Variants in TXNDC16 observed in about 807,000 individuals in gnomAD.
The protein encoded by TXNDC16 is thioredoxin domain-containing protein 16.
TXNDC16 carries 74 observed loss-of-function variants against 85.6 expected under a neutral mutation model. The observed-to-expected ratio is 0.86, with a 90% CI of 0.72 to 1.05. TXNDC16 has a LOEUF of 1.05. Ranked by LOEUF, TXNDC16 falls within the 50% of genes least tolerant of loss-of-function variation. The pLI, the probability that TXNDC16 is intolerant of heterozygous loss-of-function variation, is 0.00. For synonymous variants in TXNDC16, 335 were observed against 326.5 expected (o/e 1.03, Z -0.28); for missense variants, 959 against 947.0 (o/e 1.01, Z -0.17).
chr14:52,530,358 ATATAT>A (rs1266294232), intron 6 of TXNDC16, among the ~76,000 whole-genome samples: 2 of 38,148 alleles, frequency 5.2e-5, no homozygotes, highest in African/African-American at 1.3e-4. Flanking sequence ...TTATAATATA[ATATAT>A]ATTATTATAT....
At chr14:52,551,476 A>G (rs374148221) in intron 1 of TXNDC16, among the ~76,000 whole-genome samples, 1 of 38,480 alleles carries the variant, frequency 2.6e-5, no homozygotes, top group Non-Finnish European at 4.8e-5. Flanking sequence ...GAAAAAAAGG[A>G]AAAAAAAAAA....
At chr14:52,529,875 T>C (rs1241072258) in intron 6 of TXNDC16, among the ~76,000 whole-genome samples, 2 of 105,294 alleles carry the variant, frequency 1.9e-5, no homozygotes, top group Admixed American at 1.4e-4. Flanking sequence ...ATGATACCTA[T>C]TATATATATG....
intron 14 of TXNDC16, among the ~76,000 whole-genome samples, chr14:52,480,982 T>TATATATATATATAC (rs2036137368): frequency 1.1e-5 from 1 of 91,626 alleles, no homozygotes; most frequent in African/African-American, 4.3e-5. Flanking sequence ...TATGTATATA[T>TATATATATATATAC]ATATATATAT....
intron 12 of TXNDC16, among the ~76,000 whole-genome samples, chr14:52,483,467 G>C (rs2036195526): frequency 6.6e-6 from 1 of 152,158 alleles, no homozygotes. Context: ...GCCAGGTAGA[G>C]AATCAAGAAA....
intron 7 of TXNDC16, 63 bp from the exon 8 acceptor site, chr14:52,515,033 C>G (rs1320199791): frequency 1.6e-6 from 2 of 1,227,936 alleles, no homozygotes; most frequent in African/African-American, 1.5e-5. Context: ...TCTATGTAAA[C>G]TTCTATTCTG....
At chr14:52,493,208 T>C (rs574863362) in intron 9 of TXNDC16, among the ~76,000 whole-genome samples, 20,009 of 119,518 alleles carry the variant, frequency 0.17, 1,747 homozygotes, top group East Asian at 0.45. Flanking sequence ...TATATATATA[T>C]ATATATATAC....
At chr14:52,480,571 T>C (rs2036121035) in intron 14 of TXNDC16, among the ~76,000 whole-genome samples, 1 of 151,712 alleles carries the variant, frequency 6.6e-6, no homozygotes, top group East Asian at 1.9e-4. Flanking sequence ...CATGAAAAAA[T>C]GCTCAACAAC....
Position 52,490,865 on chromosome 14 carries a change from T to A in TXNDC16, c.897A>T (p.Gly299=). 1 of 1,612,318 alleles carries A rather than the reference T, an allele frequency of 6.2e-7. No homozygotes were observed. The highest frequency in any genetic ancestry group is 8.5e-7 in the Non-Finnish European group (1 of 1,179,566). The change falls in exon 10 of 21, where the codon GGA becomes GGT. Residue 299 remains glycine, a synonymous_variant. Transcript: ENST00000281741. The part of the protein sequence containing the change: ...TAEWVAWRLL[G]KAGVLLLLRD... ...TTAACAAGAGTAGAACTCCTGCTTT[T>A]CCCAGAAGACGCCAAGCAACCCATT...
At chr14:52,445,570 T>C (rs1566530794) in intron 18 of TXNDC16, among the ~76,000 whole-genome samples, 1 of 152,248 alleles carries the variant, frequency 6.6e-6, no homozygotes, top group Non-Finnish European at 1.5e-5. Flanking sequence ...CAGGTTACAT[T>C]TGTTGTGCCC....
rs746762654 is a variant in TXNDC16, at chr14:52,490,463, T to C, written c.924-12A>G. ...CTTCCAAAGAGTCCCTTTTTCAAAATGGAAATAAATGTTTTATGTTGCTAA... is the reference window on the plus strand; with the variant it reads ...CTTCCAAAGAGTCCCTTTTTCAAAACGGAAATAAATGTTTTATGTTGCTAA... On this transcript the variant is annotated splice_polypyrimidine_tract_variant and intron_variant, in intron 10 of 20. Coordinates refer to ENST00000281741, the MANE Select transcript of TXNDC16 (RefSeq NM_020784.3). The C allele has an allele frequency of 6.9e-6, 11 of 1,588,600 alleles. No individual in the cohort carries two copies. The highest frequency in any genetic ancestry group is 6.8e-5 in the African/African-American group (5 of 73,786).
intron 1 of TXNDC16, among the ~76,000 whole-genome samples, chr14:52,545,562 T>C (rs1467361580): frequency 2.0e-5 from 3 of 152,054 alleles, no homozygotes; most frequent in African/African-American, 7.2e-5. Context: ...ATAACAACTG[T>C]TGAGAGAAAG....
intron 9 of TXNDC16, among the ~76,000 whole-genome samples, chr14:52,504,922 T>C (rs2036756086): frequency 6.6e-6 from 1 of 152,148 alleles, no homozygotes; most frequent in African/African-American, 2.4e-5. Flanking sequence ...GTTGCAATCC[T>C]AGACTCTGAT....
intron 18 of TXNDC16, among the ~76,000 whole-genome samples, chr14:52,442,683 TG>T (rs2035194331): frequency 6.6e-6 from 1 of 152,150 alleles, no homozygotes; most frequent in Non-Finnish European, 1.5e-5. Context: ...TGTCTTCTTG[TG>T]TTAGCTTTCA....
At chr14:52,528,583 T>C (rs1210305801) in intron 6 of TXNDC16, among the ~76,000 whole-genome samples, 4 of 151,636 alleles carry the variant, frequency 2.6e-5, no homozygotes, top group Non-Finnish European at 4.4e-5. Context: ...ACAGCTCTTA[T>C]GTACATATCT....
intron 9 of TXNDC16, among the ~76,000 whole-genome samples, chr14:52,510,741 G>C (rs758441509): frequency 6.6e-6 from 1 of 152,208 alleles, no homozygotes; most frequent in Non-Finnish European, 1.5e-5. Flanking sequence ...GGAGAGAACA[G>C]TTTGCTGATC....
intron 12 of TXNDC16, among the ~76,000 whole-genome samples, chr14:52,487,150 C>A (rs905234909): frequency 6.6e-6 from 1 of 152,060 alleles, no homozygotes; most frequent in African/African-American, 2.4e-5. Context: ...AATATAGGAA[C>A]CATTACAGGA....
intron 17 of TXNDC16, among the ~76,000 whole-genome samples, chr14:52,455,870 T>C (rs971489791): frequency 6.6e-6 from 1 of 152,162 alleles, no homozygotes; most frequent in African/African-American, 2.4e-5. Flanking sequence ...TCAATTATGT[T>C]TTTATTTAAC....
chr14:52,464,290 T>G (rs1193719625), intron 16 of TXNDC16, among the ~76,000 whole-genome samples: 2 of 152,248 alleles, frequency 1.3e-5, no homozygotes, highest in African/African-American at 4.8e-5. Context: ...CATCTTTTTG[T>G]TTCTAGTTGC....
rs77243069 is a variant in TXNDC16, at chr14:52,548,922, G to A, written c.-182+3394C>T. On this transcript the variant is annotated intron_variant, in intron 1 of 20. Coordinates refer to ENST00000281741, the MANE Select transcript of TXNDC16 (RefSeq NM_020784.3). ...TAAACCATTATTTTAAACTTCTAAT[G>A]TTTCCGGGTTGTTTCCACAGTATAA... 5.3e-3 allele frequency among the ~76,000 whole-genome samples: 805 copies of A among 152,252 alleles called. 5 individuals carry two copies. The highest frequency in any genetic ancestry group is 0.018 in the African/African-American group (755 of 41,540).
Sources: allele counts gnomAD v4.1 joint callset (sites outside exome capture counted in the v4.1 genomes callset), GRCh38; gene constraint gnomAD v4.1.1; transcripts MANE v1.5; gene names NCBI Gene and HGNC (gene_info 2026-07-23, HGNC 2026-07-21).